MYO18B: variants seen among roughly 807,000 people sequenced by gnomAD.
MYO18B encodes myosin XVIIIB.
MYO18B carries 204 observed loss-of-function variants against 273.0 expected under a neutral mutation model. The observed-to-expected ratio is 0.75, with a 90% confidence interval of 0.67 to 0.84. The LOEUF (loss-of-function observed/expected upper bound fraction) is 0.84, where lower values mean the gene tolerates loss of function less well. MYO18B is among the 40% of genes least tolerant of loss of function. MYO18B has a pLI of 0.00. For synonymous variants in MYO18B, 1,330 were observed against 1,305.7 expected (o/e 1.02, Z -0.40); for missense variants, 3,212 against 3,287.6 (o/e 0.98, Z 0.56).
At chr22:26,047,228 G>A in the MYO18B span, among the ~76,000 whole-genome samples, 1 of 150,356 alleles carries the variant, frequency 6.7e-6, no homozygotes. Context: ...CCGGGTTCAC[G>A]CCATTCTCCT....
intron 39 of MYO18B, among the ~76,000 whole-genome samples, chr22:25,971,010 T>C (rs2093031305): frequency 6.6e-6 from 1 of 152,236 alleles, no homozygotes. Flanking sequence ...AACTGGATGC[T>C]CTGATCCAGG....
At chr22:25,791,988 G>T (rs893035952) in intron 11 of MYO18B, among the ~76,000 whole-genome samples, 2 of 152,180 alleles carry the variant, frequency 1.3e-5, no homozygotes, top group African/African-American at 4.8e-5. Flanking sequence ...TGGTACTTTC[G>T]TTCTTCCCAC....
At chr22:25,794,452 C>CT (rs2087818048) in intron 11 of MYO18B, among the ~76,000 whole-genome samples, 1 of 152,114 alleles carries the variant, frequency 6.6e-6, no homozygotes. Flanking sequence ...TCCCAAAGTG[C>CT]TGGGATTACA....
chr22:25,778,793 G>GA (rs2087017710), intron 8 of MYO18B, among the ~76,000 whole-genome samples: 2 of 27,880 alleles, frequency 7.2e-5, no homozygotes, highest in South Asian at 1.9e-3. Context: ...TGCCCAACCT[G>GA]AACTTTTTTT....
At chr22:25,768,067 TCAGGTCAGCA>T in intron 3 of MYO18B, 38 bp from the exon 4 acceptor site, 1 of 1,446,188 alleles carries the variant, frequency 6.9e-7, no homozygotes, top group South Asian at 1.3e-5. Flanking sequence ...GACAAAGCTG[TCAGGTCAGCA>T]AGCAGCTATG....
chr22:25,758,746 T>G lies in MYO18B; in HGVS notation c.-109-2238T>G, dbSNP rs56838018. 4.7e-3 allele frequency among the ~76,000 whole-genome samples: 715 copies of G among 151,612 alleles called. 7 individuals are homozygous for G. Among genetic ancestry groups the G allele is most frequent in the African/African-American group, 0.016 (669 of 41,352 alleles). On this transcript the variant is annotated intron_variant, in intron 1 of 43. Transcript: ENST00000335473. ...ATGGGCATGAAAAGAAGAGTTTTTT[T>G]GGGGGTGATGAGAATTTTTTTTTTT...
At chr22:25,860,335 G>T (rs906210005) in intron 21 of MYO18B, among the ~76,000 whole-genome samples, 7 of 151,750 alleles carry the variant, frequency 4.6e-5, no homozygotes, top group Non-Finnish European at 1.5e-5. Context: ...TGTTTTCTTT[G>T]GTTCTATTGT....
chr22:25,843,944 G>A (rs757816717), intron 18 of MYO18B, 50 bp downstream of exon 18: 2 of 1,542,728 alleles, frequency 1.3e-6, no homozygotes, highest in East Asian at 2.3e-5. Flanking sequence ...GAGGCACTGT[G>A]TTTTCCTTCC....
At chr22:25,995,504 G>A (rs148805922) in intron 40 of MYO18B, among the ~76,000 whole-genome samples, 1 of 152,184 alleles carries the variant, frequency 6.6e-6, no homozygotes, top group African/African-American at 2.4e-5. Flanking sequence ...AACATCTCAT[G>A]TACCCCATAA....
chr22:25,750,336 C>T (rs1205429451), intron 1 of MYO18B, among the ~76,000 whole-genome samples: 8 of 152,144 alleles, frequency 5.3e-5, no homozygotes, highest in Non-Finnish European at 2.9e-5. Context: ...GCTTAACCCA[C>T]CTGGAAGATG....
chr22:25,824,815 TTATGCACACATGG>T (rs1343520645), intron 13 of MYO18B, among the ~76,000 whole-genome samples: 2 of 151,250 alleles, frequency 1.3e-5, no homozygotes, highest in Admixed American at 1.3e-4. Flanking sequence ...ACACACATGC[TTATGCACACATGG>T]TGTGCACACC....
At chr22:25,962,155 A>G (rs558017221) in intron 39 of MYO18B, among the ~76,000 whole-genome samples, 3 of 152,314 alleles carry the variant, frequency 2.0e-5, no homozygotes, top group Non-Finnish European at 2.9e-5. Context: ...CCCCAGTGCC[A>G]TGTTACTCCT....
chr22:25,972,124 T>A (rs745944148), intron 39 of MYO18B, among the ~76,000 whole-genome samples: 1 of 150,322 alleles, frequency 6.7e-6, no homozygotes, highest in African/African-American at 2.4e-5. Context: ...AAAAAAAAAA[T>A]ACATACATAT....
Position 25,772,315 on chromosome 22 carries a change from CTG to C in MYO18B, c.1693-14_1693-13del, listed in dbSNP as rs1250802501. ...GAAGGCCAGAAGGCCAGAGGAGACT[CTG>C]TGTGATGGTTTCACAGGCCAACCCT... On this transcript the variant is annotated splice_polypyrimidine_tract_variant and intron_variant, in intron 6 of 43. Coordinates refer to ENST00000335473, the MANE Select transcript of MYO18B (RefSeq NM_032608.7). 2 of 1,608,882 alleles carry C rather than the reference CTG, an allele frequency of 1.2e-6. No individual in the cohort carries two copies. The highest frequency in any genetic ancestry group is 1.7e-6 in the Non-Finnish European group (2 of 1,177,040).
intron 24 of MYO18B, among the ~76,000 whole-genome samples, chr22:25,877,471 T>G (rs1270573354): frequency 6.6e-6 from 1 of 152,188 alleles, no homozygotes; most frequent in African/African-American, 2.4e-5. Context: ...ACTTAAAATC[T>G]ACTTTTTGTT....
chr22:25,851,693 T>G, intron 21 of MYO18B, 114 bp downstream of exon 21: 1 of 780,800 alleles, frequency 1.3e-6, no homozygotes. Flanking sequence ...CTCAGTGCTT[T>G]GGGATACCCA....
chr22:25,886,832 C>G (rs1373818552), intron 25 of MYO18B, among the ~76,000 whole-genome samples: 4 of 152,154 alleles, frequency 2.6e-5, no homozygotes, highest in Non-Finnish European at 5.9e-5. Context: ...TACTTACCAG[C>G]TATGATCCTA....
intron 31 of MYO18B, among the ~76,000 whole-genome samples, chr22:25,906,740 CA>C (rs2092052323): frequency 1.3e-5 from 2 of 152,106 alleles, no homozygotes; most frequent in African/African-American, 4.8e-5. Context: ...AACTTACAGT[CA>C]CGGTGGAAGG....
intron 40 of MYO18B, among the ~76,000 whole-genome samples, chr22:25,999,414 A>C (rs1933676745): frequency 6.6e-6 from 1 of 152,144 alleles, no homozygotes; most frequent in Non-Finnish European, 1.5e-5. Flanking sequence ...TCTGGCAAAG[A>C]CTGACCCTAA....
Sources: allele counts gnomAD v4.1 joint callset (sites outside exome capture counted in the v4.1 genomes callset), GRCh38; gene constraint gnomAD v4.1.1; transcripts MANE v1.5; gene names NCBI Gene and HGNC (gene_info 2026-07-23, HGNC 2026-07-21).